CAB39L: variants seen among roughly 807,000 people sequenced by gnomAD.
CAB39L encodes calcium binding protein 39 like, also known as calcium-binding protein 39-like.
A neutral mutation model predicts 39.1 loss-of-function variants in CAB39L; 23 were observed. That is an observed-to-expected ratio of 0.59 (90% CI 0.42 to 0.83). CAB39L has a LOEUF of 0.83. CAB39L is among the 40% of genes least tolerant of loss of function. The probability of loss-of-function intolerance (pLI) is 0.00; values close to 1 mark genes in which losing one functional copy is unlikely to be tolerated. For synonymous variants in CAB39L, 126 were observed against 137.2 expected (o/e 0.92, Z 0.57); for missense variants, 366 against 391.9 (o/e 0.93, Z 0.56).
intron 3 of CAB39L, among the ~76,000 whole-genome samples, chr13:49,394,129 G>A (rs1247314820): frequency 6.6e-6 from 1 of 151,716 alleles, no homozygotes; most frequent in Non-Finnish European, 1.5e-5. Context: ...AAAAATTATA[G>A]GCAAACAACA....
chr13:49,333,505 A>G (rs975434141), intron 9 of CAB39L, among the ~76,000 whole-genome samples: 2 of 151,652 alleles, frequency 1.3e-5, no homozygotes, highest in African/African-American at 4.9e-5. Flanking sequence ...GATGTCTCCC[A>G]AATCTACATT....
intron 3 of CAB39L, among the ~76,000 whole-genome samples, chr13:49,410,277 C>T (rs906008127): frequency 4.6e-5 from 7 of 152,132 alleles, no homozygotes; most frequent in Non-Finnish European, 8.8e-5. Flanking sequence ...ACAACTGGTA[C>T]GCTTATGAAA....
intron 4 of CAB39L, 103 bp from the exon 5 acceptor site, chr13:49,377,234 G>T: frequency 2.2e-6 from 2 of 893,596 alleles, no homozygotes; most frequent in Non-Finnish European, 3.4e-6. Context: ...CTTGGGCTCT[G>T]TTTATTTATA....
At chr13:49,394,078 C>G (rs1237008992) in intron 3 of CAB39L, among the ~76,000 whole-genome samples, 1 of 151,548 alleles carries the variant, frequency 6.6e-6, no homozygotes, top group Non-Finnish European at 1.5e-5. Context: ...ACGAATATGC[C>G]ACAAACACAA....
chr13:49,414,550 G>A (rs990085663), intron 3 of CAB39L, among the ~76,000 whole-genome samples: 1 of 151,960 alleles, frequency 6.6e-6, no homozygotes, highest in Non-Finnish European at 1.5e-5. Context: ...GAATATTATA[G>A]ACATATAAAA....
intron 3 of CAB39L, among the ~76,000 whole-genome samples, chr13:49,402,287 C>T (rs1594062317): frequency 6.6e-6 from 1 of 152,034 alleles, no homozygotes; most frequent in African/African-American, 2.4e-5. Context: ...AATTACGAAA[C>T]TCTCTGTAAG....
At chr13:49,436,802 A>C (rs1957425846) in intron 1 of CAB39L, among the ~76,000 whole-genome samples, 1 of 152,066 alleles carries the variant, frequency 6.6e-6, no homozygotes, top group African/African-American at 2.4e-5. Flanking sequence ...TTTGGATTTG[A>C]GACTTTTTAT....
intron 7 of CAB39L, among the ~76,000 whole-genome samples, chr13:49,347,145 G>A (rs1278076122): frequency 1.3e-5 from 2 of 151,890 alleles, no homozygotes; most frequent in Non-Finnish European, 2.9e-5. Flanking sequence ...TTAACCATAA[G>A]CATTTGGTAA....
At chr13:49,435,925 T>C (rs373729097) in intron 1 of CAB39L, among the ~76,000 whole-genome samples, 3 of 152,232 alleles carry the variant, frequency 2.0e-5, no homozygotes, top group East Asian at 3.8e-4. Context: ...GGAGGTTAGC[T>C]CTTTGTGATA....
At chr13:49,321,531 C>T (rs777461334) in intron 10 of CAB39L, among the ~76,000 whole-genome samples, 1 of 152,168 alleles carries the variant, frequency 6.6e-6, no homozygotes. Context: ...CATCCCTGAC[C>T]ACTAGGCTGT....
At chr13:49,337,967 C>T (rs1039289756) in intron 9 of CAB39L, among the ~76,000 whole-genome samples, 3 of 152,146 alleles carry the variant, frequency 2.0e-5, no homozygotes, top group African/African-American at 7.2e-5. Flanking sequence ...TATTTGTTAA[C>T]TAAATGGAAT....
intron 3 of CAB39L, among the ~76,000 whole-genome samples, chr13:49,403,256 T>G (rs1459924474): frequency 1.3e-5 from 2 of 152,156 alleles, no homozygotes; most frequent in South Asian, 2.1e-4. Flanking sequence ...ATTGCCTCAG[T>G]AGCGGAACCA....
intron 3 of CAB39L, among the ~76,000 whole-genome samples, chr13:49,392,123 A>G (rs1381740515): frequency 6.6e-6 from 1 of 151,924 alleles, no homozygotes; most frequent in Non-Finnish European, 1.5e-5. Flanking sequence ...CACACACACA[A>G]AGCATTTAAT....
chr13:49,339,117 T>C (rs1251627968), intron 9 of CAB39L, among the ~76,000 whole-genome samples: 1 of 151,054 alleles, frequency 6.6e-6, no homozygotes, highest in African/African-American at 2.4e-5. Flanking sequence ...TTTTTGCATT[T>C]TACATGTCTT....
intron 3 of CAB39L, among the ~76,000 whole-genome samples, chr13:49,419,031 G>A (rs1199864096): frequency 2.0e-5 from 3 of 152,088 alleles, no homozygotes; most frequent in African/African-American, 4.8e-5. Context: ...GCAGTGGTGC[G>A]ATCTCGGCTC....
In CAB39L at chr13:49,382,815, G is replaced by A. The variant is rs994377743; in HGVS notation, c.96C>T (p.Asp32=). The A allele has an allele frequency of 1.2e-6, 2 of 1,604,040 alleles. No individual in the cohort carries two copies. Among genetic ancestry groups the A allele is most frequent in the Admixed American group, 3.4e-5 (2 of 59,424 alleles). The part of the protein sequence containing the change: ...KDNLAILEKQ[D]KKTDKASEEV... ...TAGCTCTTACCTTGTCTGTCTTTTT[G>A]TCTTGCTTTTCCAAAATGGCCAAAT... The change falls in exon 4 of 11, where the codon GAC becomes GAT. Residue 32 remains aspartate, a synonymous_variant. Coordinates refer to ENST00000409308, the MANE Select transcript of CAB39L (RefSeq NM_001079670.3).
intron 3 of CAB39L, among the ~76,000 whole-genome samples, chr13:49,408,676 C>T (rs1045663145): frequency 7.2e-5 from 11 of 151,930 alleles, no homozygotes; most frequent in African/African-American, 2.7e-4. Flanking sequence ...AAAATACATA[C>T]AAAAATTAGT....
chr13:49,374,935 A>G (rs1956015329), intron 5 of CAB39L, among the ~76,000 whole-genome samples: 1 of 152,248 alleles, frequency 6.6e-6, no homozygotes, highest in African/African-American at 2.4e-5. Flanking sequence ...AGAAACAAGC[A>G]AAACAACAGA....
chr13:49,413,368 T>C (rs1957029455), intron 3 of CAB39L, among the ~76,000 whole-genome samples: 2 of 152,274 alleles, frequency 1.3e-5, no homozygotes, highest in South Asian at 4.2e-4. Context: ...ACATATTTCC[T>C]GAGGATTTGT....
Sources: allele counts gnomAD v4.1 joint callset (sites outside exome capture counted in the v4.1 genomes callset), GRCh38; gene constraint gnomAD v4.1.1; transcripts MANE v1.5; gene names NCBI Gene and HGNC (gene_info 2026-07-23, HGNC 2026-07-21).